The following CYP2R1 variants were observed in gnomAD, a reference collection of about 807,000 sequenced individuals.
CYP2R1 encodes the protein cytochrome P450 family 2 subfamily R member 1.
A neutral mutation model predicts 45.7 loss-of-function variants in CYP2R1; 40 were observed. The ratio of observed to expected loss-of-function variants is 0.87; its 90% confidence interval spans 0.68 to 1.14. The LOEUF (loss-of-function observed/expected upper bound fraction) is 1.14, where lower values mean the gene tolerates loss of function less well. CYP2R1 is among the 50% of genes most tolerant of loss of function. The pLI is 0.00. For missense variants in CYP2R1, 605 were observed against 602.6 expected (o/e 1.00, Z -0.04); for synonymous variants, 234 against 219.3 (o/e 1.07, Z -0.59).
intron 1 of CYP2R1, among the ~76,000 whole-genome samples, chr11:14,890,216 C>T (rs1400538845): frequency 6.6e-6 from 1 of 151,662 alleles, no homozygotes. Context: ...ATTCTCACTA[C>T]CGAGAAAAAA....
rs554902615 is a variant in CYP2R1, at chr11:14,877,886, A to T, written c.*236T>A. 6.2e-5 allele frequency: 31 copies of T among 502,608 alleles called. 1 individual carries two copies. The South Asian group carries it at 8.6e-4, about 14-fold the overall frequency. 31.1% of individuals were successfully genotyped at this position (502,608 alleles called of 1,614,324 possible). ...CTTCTTAGCATTTTAAGCAACACCC[A>T]TCATTTGCACCTTTGTGTCTCTCAA... On this transcript the variant is annotated 3_prime_UTR_variant, in exon 5 of 5. Transcript: ENST00000334636.
Position 14,880,287 on chromosome 11 carries a change from C to G in CYP2R1, c.849G>C (p.Glu283Asp). ...PQHFVDAYLD[E>D]MDQGKNDPSS... Reference sequence around the variant, plus strand: ...ATGGGTCATTTTTACCTTGATCCATCTCATCTAAATAAGCATCAACAAAAT... The same window carrying G: ...ATGGGTCATTTTTACCTTGATCCATGTCATCTAAATAAGCATCAACAAAAT... The change falls in exon 3 of 5, where the codon GAG (glutamate) becomes GAC (aspartate). Residue 283 changes from glutamate to aspartate, a missense_variant. Transcript: ENST00000334636. 1 of 1,613,180 alleles carries G rather than the reference C, an allele frequency of 6.2e-7. No individual in the cohort carries two copies. Among genetic ancestry groups the G allele is most frequent in the Non-Finnish European group, 8.5e-7 (1 of 1,179,502 alleles).
intron 1 of CYP2R1, chr11:14,887,660 C>G (rs1421938942): frequency 4.0e-5 from 39 of 985,074 alleles, no homozygotes; most frequent in Non-Finnish European, 4.6e-5. Flanking sequence ...CTTCAAGTCT[C>G]TTTCCCTCAC....
At chr11:14,881,647 C>G (rs1848391481) in intron 2 of CYP2R1, among the ~76,000 whole-genome samples, 1 of 152,034 alleles carries the variant, frequency 6.6e-6, no homozygotes, top group Admixed American at 6.6e-5. Flanking sequence ...TAAGTGAGTT[C>G]TCGCTCAGTT....
chr11:14,892,348 C>T, upstream of CYP2R1: 3 of 756,098 alleles, frequency 4.0e-6, no homozygotes, highest in Admixed American at 2.6e-5. Context: ...GCGCTCAGGC[C>T]CCTTCGGGAC....
At chr11:14,891,230 G>A (rs1848841968) in intron 1 of CYP2R1, 1 of 985,166 alleles carries the variant, frequency 1.0e-6, no homozygotes, top group Non-Finnish European at 1.2e-6. Context: ...GAATGAGGAG[G>A]AGCGAAGTAC....
chr11:14,879,459 T>C lies in CYP2R1; in HGVS notation c.1001-16A>G. Reference sequence around the variant, plus strand: ...TGAACTTGTCCTGTCAGAGAAAAAGTATTCAAGTTATTATGCAGTTCTTAG... The same window carrying C: ...TGAACTTGTCCTGTCAGAGAAAAAGCATTCAAGTTATTATGCAGTTCTTAG... On this transcript the variant is annotated splice_polypyrimidine_tract_variant and intron_variant, in intron 3 of 4. Transcript: ENST00000334636. The C allele has an allele frequency of 1.9e-6, 3 of 1,569,588 alleles. No homozygotes were observed. The South Asian group carries it at 3.3e-5, about 18-fold the overall frequency.
At chr11:14,878,558 A>G (rs1848245998) in intron 4 of CYP2R1, among the ~76,000 whole-genome samples, 4 of 152,124 alleles carry the variant, frequency 2.6e-5, no homozygotes. Context: ...CTATGCTGCA[A>G]CAGAGCCTAA....
In CYP2R1 at chr11:14,881,534, C is replaced by T. The variant is rs1555012320; in HGVS notation, c.368-766G>A. On this transcript the variant is annotated intron_variant, in intron 2 of 4. Coordinates refer to ENST00000334636, the MANE Select transcript of CYP2R1 (RefSeq NM_024514.5). Reference sequence around the variant, plus strand: ...ACGGTTGTACCTCTGATAAATTTCACATTGATAAGTGATTCCCAATGTTGG... The same window carrying T: ...ACGGTTGTACCTCTGATAAATTTCATATTGATAAGTGATTCCCAATGTTGG... Among the ~76,000 whole-genome samples the T allele has an allele frequency of 2.0e-5, 3 of 152,064 alleles. 1 individual carries two copies. Among genetic ancestry groups the T allele is most frequent in the Non-Finnish European group, 4.4e-5 (3 of 67,992 alleles).
Position 14,880,665 on chromosome 11 carries a change from T to C in CYP2R1, c.471A>G (p.Lys157=), listed in dbSNP as rs1848346005. 1 of 1,597,484 alleles carries C rather than the reference T, an allele frequency of 6.3e-7. No homozygotes were observed. Among genetic ancestry groups the C allele is most frequent in the Non-Finnish European group, 8.5e-7 (1 of 1,173,980 alleles). Residue 157 remains lysine, a synonymous_variant, in exon 3 of 5, where the codon AAA becomes AAG. Coordinates refer to ENST00000334636, the MANE Select transcript of CYP2R1 (RefSeq NM_024514.5). ...TGAAAAATTTGGTTTCTTCCAAGAT[T>C]TTAGATTCAAAAGACTTTTGGCCAT... is the stretch of plus-strand genomic sequence containing the variant. ...FGYGQKSFES[K]ILEETKFFND...
chr11:14,892,214 G>A lies in CYP2R1; in HGVS notation c.-9C>T, dbSNP rs1294902894. ...CTCCAAAGCTTCCACATCGGCCCGAGCTGGAGGTGCGAACTCCACAGCAGC... is the reference window on the plus strand; with the variant it reads ...CTCCAAAGCTTCCACATCGGCCCGAACTGGAGGTGCGAACTCCACAGCAGC... On this transcript the variant is annotated 5_prime_UTR_variant, in exon 1 of 5. Coordinates refer to ENST00000334636, the MANE Select transcript of CYP2R1 (RefSeq NM_024514.5). 2 of 1,607,926 alleles carry A rather than the reference G, an allele frequency of 1.2e-6. No individual in the cohort carries two copies. The highest frequency in any genetic ancestry group is 2.2e-5 in the East Asian group (1 of 44,790).
chr11:14,890,070 A>T (rs1848773675), intron 1 of CYP2R1, among the ~76,000 whole-genome samples: 1 of 152,154 alleles, frequency 6.6e-6, no homozygotes, highest in South Asian at 2.1e-4. Flanking sequence ...CGGAGCTTTC[A>T]GTGAGCCGAG....
rs782004434 is a variant in CYP2R1 at position 14,892,077 on chromosome 11, C to T, written c.129G>A (p.Pro43=). The T allele has an allele frequency of 7.4e-6, 12 of 1,611,686 alleles. 1 individual carries two copies. The highest frequency in any genetic ancestry group is 1.8e-4 in the Middle Eastern group (1 of 5,708). Residue 43 remains proline (P), a synonymous_variant, in exon 1 of 5, where the codon CCG becomes CCA. Coordinates refer to ENST00000334636, the MANE Select transcript of CYP2R1 (RefSeq NM_024514.5). ...QRRPMGFPPG[P]PGLPFIGNIY... Reference sequence around the variant, plus strand: ...TGTTGCCGATAAATGGCAGCCCCGGCGGCCCCGGGGGGAAGCCCATCGGCC... The same window carrying T: ...TGTTGCCGATAAATGGCAGCCCCGGTGGCCCCGGGGGGAAGCCCATCGGCC...
chr11:14,880,669 G>C lies in CYP2R1; in HGVS notation c.467C>G (p.Ser156Cys), dbSNP rs140947977. 182 of 1,597,596 alleles carry C rather than the reference G, an allele frequency of 1.1e-4. No individual in the cohort carries two copies. In the African/African-American group the frequency reaches 2.2e-3, roughly 19 times the overall value. The change falls in exon 3 of 5, where the codon TCT (serine) becomes TGT (cysteine). Residue 156 changes from serine to cysteine, a missense_variant. By Grantham distance (112) the Ser-to-Cys change is moderately radical. Coordinates refer to ENST00000334636, the MANE Select transcript of CYP2R1 (RefSeq NM_024514.5). ...AAATTTGGTTTCTTCCAAGATTTTA[G>C]ATTCAAAAGACTTTTGGCCATATCC... ...YFGYGQKSFESKILEETKFFN... is the reference protein window; with the variant it reads ...YFGYGQKSFECKILEETKFFN...
intron 2 of CYP2R1, among the ~76,000 whole-genome samples, chr11:14,883,742 C>T (rs1333437014): frequency 4.6e-5 from 7 of 152,052 alleles, no homozygotes; most frequent in Non-Finnish European, 1.0e-4. Context: ...TCAGAGTGAA[C>T]AGGCAACCTA....
intron 1 of CYP2R1, chr11:14,890,494 G>T: frequency 2.5e-6 from 2 of 801,580 alleles, no homozygotes; most frequent in Non-Finnish European, 3.0e-6. Flanking sequence ...TGAAAGGAAC[G>T]TAAACCATTA....
intron 1 of CYP2R1, chr11:14,887,666 C>T: frequency 1.0e-6 from 1 of 984,788 alleles, no homozygotes; most frequent in Non-Finnish European, 1.2e-6. Context: ...GTCTCTTTCC[C>T]TCACCCAAAC....
intron 1 of CYP2R1, chr11:14,886,870 A>G (rs993630670): frequency 1.3e-5 from 2 of 152,418 alleles, no homozygotes; most frequent in South Asian, 2.1e-4. Flanking sequence ...GCAGAAAGTT[A>G]TATCAGCAAA....
chr11:14,887,579 T>C (rs1565186690), intron 1 of CYP2R1: 1 of 984,580 alleles, frequency 1.0e-6, no homozygotes, highest in African/African-American at 1.7e-5. Context: ...TATGGGCTAA[T>C]TATAATGCTG....
Sources: gnomAD v4.1 joint callset for allele counts (sites outside exome capture counted in the v4.1 genomes callset) on GRCh38, gnomAD v4.1.1 for gene constraint, MANE v1.5 for transcripts, NCBI Gene and HGNC (gene_info 2026-07-23, HGNC 2026-07-21) for gene names.